GPR155: variants seen among roughly 807,000 people sequenced by gnomAD.
GPR155 encodes G protein-coupled receptor 155.
Under a neutral mutation model 93.1 loss-of-function variants are expected in GPR155, and 65 were observed. That is an observed-to-expected ratio of 0.70 (90% CI 0.57 to 0.86). GPR155 has a LOEUF of 0.86. Ranked by LOEUF, GPR155 falls within the 40% of genes least tolerant of loss-of-function variation. GPR155 has a pLI of 0.00. For synonymous variants in GPR155, 319 were observed against 360.1 expected, an observed-to-expected ratio of 0.89 and a Z score of 1.29; for missense variants, 838 against 1,034.8, an observed-to-expected ratio of 0.81 and a Z score of 2.61.
At chr2:174,479,628 C>T (rs1688263812) in intron 2 of GPR155, among the ~76,000 whole-genome samples, 2 of 152,152 alleles carry the variant, frequency 1.3e-5, no homozygotes, top group Admixed American at 1.3e-4. Flanking sequence ...ATTATCGGCT[C>T]ACTAATCTAT....
At chr2:174,466,386 A>G (rs886558007) in intron 6 of GPR155, among the ~76,000 whole-genome samples, 158 bp downstream of exon 6, 4 of 152,206 alleles carry the variant, frequency 2.6e-5, no homozygotes, top group Admixed American at 6.5e-5. Flanking sequence ...AATATTAAAT[A>G]TGTTAGGCGT....
chr2:174,464,158 T>C lies in GPR155; in HGVS notation c.1384+1627A>G, dbSNP rs573804841. ...GCTCCTGCCTAAATCAGTCTATCTTTTTGGGCCTATTTCTCAGTTTGCAAA... is the reference window on the plus strand; with the variant it reads ...GCTCCTGCCTAAATCAGTCTATCTTCTTGGGCCTATTTCTCAGTTTGCAAA... On this transcript the variant is annotated intron_variant, in intron 7 of 15. Transcript: ENST00000392552. Among the ~76,000 whole-genome samples, 6 of 152,342 alleles carry C rather than the reference T, an allele frequency of 3.9e-5. 1 individual carries two copies. The highest frequency in any genetic ancestry group is 1.4e-4 in the African/African-American group (6 of 41,584).
chr2:174,446,328 T>A (rs6433480), intron 12 of GPR155, among the ~76,000 whole-genome samples: 2,311 of 13,246 alleles, frequency 0.17, 816 homozygotes, highest in Middle Eastern at 0.44. Context: ...AAATAAAAAA[T>A]AAAAAGAAAT....
chr2:174,482,039 T>C, intron 1 of GPR155, 52 bp from the exon 2 acceptor site: 1 of 904,228 alleles, frequency 1.1e-6, no homozygotes, highest in South Asian at 1.6e-5. Flanking sequence ...GAATTCTAGT[T>C]GAAATAATAC....
intron 1 of GPR155, among the ~76,000 whole-genome samples, chr2:174,486,290 C>T (rs532462430): frequency 1.3e-5 from 2 of 152,240 alleles, no homozygotes; most frequent in East Asian, 3.9e-4. Context: ...AGATAAGGGG[C>T]GCAGAGAGTT....
intron 11 of GPR155, among the ~76,000 whole-genome samples, chr2:174,448,160 G>C (rs927563811): frequency 2.6e-5 from 4 of 152,262 alleles, no homozygotes; most frequent in South Asian, 2.1e-4. Flanking sequence ...CGGATCACTT[G>C]AGGTCAGGAG....
intron 2 of GPR155, among the ~76,000 whole-genome samples, chr2:174,476,768 T>C (rs753890489): frequency 1.3e-5 from 2 of 152,224 alleles, no homozygotes; most frequent in Non-Finnish European, 1.5e-5. Flanking sequence ...TTAGTAGTTC[T>C]TTATGCTGTT....
chr2:174,465,902 A>C lies in GPR155; in HGVS notation c.1267T>G (p.Ser423Ala). The C allele has an allele frequency of 1.4e-6, 2 of 1,390,366 alleles. No homozygotes were observed. The highest frequency in any genetic ancestry group is 2.0e-6 in the Non-Finnish European group (2 of 985,626). The allele number at this position is 1,390,366 out of a possible 1,614,324, so 86.1% of individuals were successfully genotyped here. The change falls in exon 7 of 16, where the codon TCT becomes GCT. Residue 423 changes from serine to alanine, a missense_variant and splice_region_variant. Physicochemically the swap from Ser to Ala is moderately conservative, Grantham distance 99. Transcript: ENST00000392552. ...ATCATCATTCCAGCACAGACAATAG[A>C]CTAAGGAAAAAATTATTAAAAGACT... ...MLTTNLLIAQ[S>A]IVCAGMMIWN...
chr2:174,460,209 G>A (rs1687649562), intron 9 of GPR155, 121 bp from the exon 10 acceptor site: 3 of 620,042 alleles, frequency 4.8e-6, no homozygotes, highest in South Asian at 4.1e-5. Context: ...CGCCCAGGCT[G>A]GAGTGCAGTG....
intron 14 of GPR155, among the ~76,000 whole-genome samples, chr2:174,440,294 C>A (rs572225992): frequency 6.6e-6 from 1 of 152,228 alleles, no homozygotes; most frequent in South Asian, 2.1e-4. Flanking sequence ...ATTTTATAAA[C>A]CCTCCAGACA....
intron 2 of GPR155, among the ~76,000 whole-genome samples, chr2:174,473,962 C>T (rs928930264): frequency 6.6e-6 from 1 of 152,132 alleles, no homozygotes; most frequent in African/African-American, 2.4e-5. Flanking sequence ...ATGAGCTACT[C>T]AGTTAAATAT....
At chr2:174,478,773 G>T (rs1484052489) in intron 2 of GPR155, among the ~76,000 whole-genome samples, 1 of 151,990 alleles carries the variant, frequency 6.6e-6, no homozygotes, top group Non-Finnish European at 1.5e-5. Context: ...GCTTGTCTGT[G>T]AGCAAGAGAG....
intron 15 of GPR155, 36 bp downstream of exon 15, chr2:174,439,861 TA>T: frequency 6.4e-7 from 1 of 1,562,058 alleles, no homozygotes; most frequent in Non-Finnish European, 8.8e-7. Context: ...TCATTTAAAA[TA>T]TAATTGTCTA....
chr2:174,485,987 C>A (rs958108946), intron 1 of GPR155, among the ~76,000 whole-genome samples: 1 of 152,186 alleles, frequency 6.6e-6, no homozygotes, highest in Non-Finnish European at 1.5e-5. Context: ...ACCACTGATA[C>A]TGTAAATAAC....
intron 5 of GPR155, among the ~76,000 whole-genome samples, chr2:174,467,713 C>T (rs1687879842): frequency 6.6e-6 from 1 of 152,152 alleles, no homozygotes; most frequent in Non-Finnish European, 1.5e-5. Context: ...ACATACCACA[C>T]ACCTTTAAGA....
At position 174,473,004 on chromosome 2, in the gene GPR155, G is replaced by A. The variant is rs753009109; in HGVS notation, c.821C>T (p.Ser274Leu). The A allele has an allele frequency of 1.1e-5, 17 of 1,592,580 alleles. No homozygotes were observed. Among genetic ancestry groups the A allele is most frequent in the Non-Finnish European group, 1.2e-5 (14 of 1,174,894 alleles). The change falls in exon 3 of 16, where the codon TCG becomes TTG. Residue 274 changes from serine (S) to leucine (L), a missense_variant. Physicochemically the swap from Ser to Leu is moderately radical, Grantham distance 145. Coordinates refer to ENST00000392552, the MANE Select transcript of GPR155 (RefSeq NM_152529.7). ...MVGKIKRLKK[S>L]AFVVLILLIT... ...GAGAAGAATTAGTACTACAAATGCC[G>A]ACTTCTTCAGTCTCTTTATTTTTCC...
At chr2:174,474,178 C>T (rs1457258037) in intron 2 of GPR155, among the ~76,000 whole-genome samples, 2 of 152,130 alleles carry the variant, frequency 1.3e-5, no homozygotes, top group Non-Finnish European at 2.9e-5. Flanking sequence ...CAGAGAGGAT[C>T]AGTGGTCTAG....
At chr2:174,456,215 T>C (rs951249017) in intron 10 of GPR155, among the ~76,000 whole-genome samples, 5 of 152,164 alleles carry the variant, frequency 3.3e-5, no homozygotes, top group African/African-American at 7.2e-5. Context: ...AGGTTAGAGA[T>C]GCAACATTAG....
chr2:174,443,401 C>T (rs1687023450), intron 13 of GPR155, among the ~76,000 whole-genome samples: 1 of 151,948 alleles, frequency 6.6e-6, no homozygotes, highest in Admixed American at 6.6e-5. Context: ...GTTTTTTGAC[C>T]TGATACTCAG....
Sources: gnomAD v4.1 joint callset for allele counts (sites outside exome capture counted in the v4.1 genomes callset) on GRCh38, gnomAD v4.1.1 for gene constraint, MANE v1.5 for transcripts, NCBI Gene and HGNC (gene_info 2026-07-23, HGNC 2026-07-21) for gene names.